Variants in PEMT observed in about 807,000 individuals in gnomAD.
PEMT encodes phospholipid methyltransferase.
In PEMT, 23 loss-of-function variants were observed where a neutral mutation model predicts 27.4. That is an observed-to-expected ratio of 0.84 (90% CI 0.60 to 1.19). PEMT has a LOEUF of 1.19. Among genes scored for constraint, PEMT ranks in the 50% most tolerant of loss-of-function variants. The probability of loss-of-function intolerance (pLI) is 0.00; values close to 1 mark genes in which losing one functional copy is unlikely to be tolerated. For missense variants in PEMT, 307 were observed against 310.1 expected, an observed-to-expected ratio of 0.99 and a Z score of 0.07; for synonymous variants, 137 against 139.1, an observed-to-expected ratio of 0.98 and a Z score of 0.11.
intron 2 of PEMT, among the ~76,000 whole-genome samples, chr17:17,559,990 C>G (rs1910357422): frequency 1.3e-5 from 2 of 152,210 alleles, no homozygotes; most frequent in South Asian, 4.1e-4. Context: ...CTCTACCCCA[C>G]CTAAGGCCTC....
rs551504283 is a variant in PEMT at position 17,564,195 on chromosome 17, G to A, written c.204+12725C>T. On this transcript the variant is annotated intron_variant, in intron 2 of 6. Transcript: ENST00000255389. Reference sequence around the variant, plus strand: ...CACCAGGTCCTTGGGCCGTGGTGGCGGCACTGGTCCCACAGTTGCTTCCCA... The same window carrying A: ...CACCAGGTCCTTGGGCCGTGGTGGCAGCACTGGTCCCACAGTTGCTTCCCA... Among the ~76,000 whole-genome samples the A allele has an allele frequency of 1.1e-4, 17 of 152,274 alleles. No individual in the cohort carries two copies. In the East Asian group the frequency reaches 1.7e-3, roughly 16 times the overall value.
chr17:17,521,125 G>C (rs559250529), intron 3 of PEMT, among the ~76,000 whole-genome samples: 55 of 152,266 alleles, frequency 3.6e-4, no homozygotes, highest in African/African-American at 1.3e-3. Context: ...CCATCCAAAG[G>C]GGGCAGCTGT....
chr17:17,560,472 A>G (rs1910396302), intron 2 of PEMT, among the ~76,000 whole-genome samples: 1 of 152,212 alleles, frequency 6.6e-6, no homozygotes, highest in African/African-American at 2.4e-5. Flanking sequence ...CCTATCCAGA[A>G]AAGGGTAGGC....
intron 2 of PEMT, among the ~76,000 whole-genome samples, chr17:17,540,731 C>T (rs1383372205): frequency 6.6e-6 from 1 of 152,196 alleles, no homozygotes; most frequent in African/African-American, 2.4e-5. Context: ...GAGGGTCGTG[C>T]AGCATGCAGC....
In PEMT at chr17:17,587,699, T is replaced by C. The variant is rs560391949; in HGVS notation, c.96+3832A>G. Reference sequence around the variant, plus strand: ...CCAACAACCCTGTCGCTACTAAAAATACAAAAAACAAAACAAAACAAAACA... The same window carrying C: ...CCAACAACCCTGTCGCTACTAAAAACACAAAAAACAAAACAAAACAAAACA... On this transcript the variant is annotated intron_variant, in intron 1 of 6. Transcript: ENST00000255389. 2.6e-5 allele frequency among the ~76,000 whole-genome samples: 4 copies of C among 151,818 alleles called. No homozygotes were observed. The South Asian group carries it at 8.3e-4, about 32-fold the overall frequency.
intron 3 of PEMT, among the ~76,000 whole-genome samples, chr17:17,521,350 T>G (rs1353364883): frequency 6.6e-6 from 1 of 152,236 alleles, no homozygotes; most frequent in African/African-American, 2.4e-5. Context: ...ATGGGGCAGC[T>G]GCCCTGCACA....
intron 2 of PEMT, among the ~76,000 whole-genome samples, chr17:17,527,489 G>A (rs1013009177): frequency 6.6e-6 from 1 of 152,228 alleles, no homozygotes; most frequent in Non-Finnish European, 1.5e-5. Context: ...TCCTCTACTT[G>A]CAGCTTGGAG....
chr17:17,515,198 G>A (rs1457860766), intron 3 of PEMT, among the ~76,000 whole-genome samples: 1 of 152,168 alleles, frequency 6.6e-6, no homozygotes, highest in Non-Finnish European at 1.5e-5. Context: ...GGGTTCCTCT[G>A]CCAGAATTCA....
intron 2 of PEMT, among the ~76,000 whole-genome samples, chr17:17,528,667 C>T (rs907709178): frequency 6.6e-6 from 1 of 152,204 alleles, no homozygotes; most frequent in Non-Finnish European, 1.5e-5. Flanking sequence ...CTGTCTCTCC[C>T]TCATCCCACC....
chr17:17,575,995 C>T (rs1006932671), intron 2 of PEMT, among the ~76,000 whole-genome samples: 39 of 152,324 alleles, frequency 2.6e-4, no homozygotes, highest in African/African-American at 8.7e-4. Flanking sequence ...GTGCTGCTGA[C>T]GCTGATCTTG....
At chr17:17,514,232 C>T (rs182444324) in intron 3 of PEMT, among the ~76,000 whole-genome samples, 22 of 152,378 alleles carry the variant, frequency 1.4e-4, no homozygotes, top group African/African-American at 4.8e-4. Flanking sequence ...TAAGGACATA[C>T]AGACATGTCT....
intron 1 of PEMT, 126 bp from the exon 2 acceptor site, chr17:17,577,153 A>C (rs1015777497): frequency 1.4e-6 from 1 of 701,194 alleles, no homozygotes; most frequent in African/African-American, 1.8e-5. Context: ...AGTCCGGCAA[A>C]GGTTACTACA....
At chr17:17,508,913 T>C (rs531419077) in intron 5 of PEMT, 2 of 334,984 alleles carry the variant, frequency 6.0e-6, no homozygotes, top group Admixed American at 4.4e-5. Context: ...CAACCCCTCC[T>C]GCGGGGAAGA....
chr17:17,588,168 GCT>G (rs1477311218), intron 1 of PEMT, among the ~76,000 whole-genome samples: 1 of 152,172 alleles, frequency 6.6e-6, no homozygotes, highest in Non-Finnish European at 1.5e-5. Context: ...CCTCAACCCT[GCT>G]CTGTCTTGGC....
chr17:17,513,512 G>A lies in PEMT; in HGVS notation c.321-858C>T, dbSNP rs1299175434. ...CTTGAGAGGCTGGGGCACAAGAATC[G>A]CTTGAACCCAGGAGGCGGAGTTTGC... is the stretch of plus-strand genomic sequence containing the variant. On this transcript the variant is annotated intron_variant, in intron 3 of 6. Transcript: ENST00000255389. The surrounding 1 kb of genome is among the most constrained non-coding windows in gnomAD (Gnocchi z 4.1). Among the ~76,000 whole-genome samples the A allele has an allele frequency of 1.3e-5, 2 of 152,184 alleles. No individual in the cohort carries two copies. Among genetic ancestry groups the A allele is most frequent in the Non-Finnish European group, 1.5e-5 (1 of 68,040 alleles).
chr17:17,571,858 C>T (rs1911227869), intron 2 of PEMT, among the ~76,000 whole-genome samples: 1 of 152,166 alleles, frequency 6.6e-6, no homozygotes, highest in South Asian at 2.1e-4. Context: ...CACCACCACA[C>T]CTGGCTAAAT....
At chr17:17,558,521 C>A (rs868865623) in intron 2 of PEMT, among the ~76,000 whole-genome samples, 2 of 143,634 alleles carry the variant, frequency 1.4e-5, no homozygotes, top group African/African-American at 2.6e-5. Flanking sequence ...AAAAAAAAAA[C>A]AAAAAACAAA....
chr17:17,572,388 C>T (rs1911269590), intron 2 of PEMT, among the ~76,000 whole-genome samples: 1 of 152,240 alleles, frequency 6.6e-6, no homozygotes, highest in Non-Finnish European at 1.5e-5. Flanking sequence ...CCGTCCCCAG[C>T]CACCTCTCCG....
intron 1 of PEMT, among the ~76,000 whole-genome samples, chr17:17,588,664 ATGTGCCCTTGCTCTGAGGACCTCAG>A (rs1018660069): frequency 6.6e-6 from 1 of 152,206 alleles, no homozygotes; most frequent in African/African-American, 2.4e-5. Context: ...AGACCTGGGC[ATGTGCCCTTGCTCTGAGGACCTCAG>A]TGTGCTCTGC....
Sources: allele counts gnomAD v4.1 joint callset (sites outside exome capture counted in the v4.1 genomes callset), GRCh38; gene constraint gnomAD v4.1.1; non-coding constraint Gnocchi (gnomAD v3.1); transcripts MANE v1.5; gene names NCBI Gene and HGNC (gene_info 2026-07-23, HGNC 2026-07-21).